APBB2: variants seen among roughly 807,000 people sequenced by gnomAD.
APBB2 encodes amyloid beta precursor protein binding family B member 2.
Under a neutral mutation model 82.5 loss-of-function variants are expected in APBB2, and 38 were observed. The ratio of observed to expected loss-of-function variants is 0.46; its 90% confidence interval spans 0.36 to 0.60. The LOEUF (loss-of-function observed/expected upper bound fraction) is 0.60, where lower values mean the gene tolerates loss of function less well. Among genes scored for constraint, APBB2 ranks in the 20% least tolerant of loss-of-function variants. APBB2 has a pLI of 0.00. For synonymous variants in APBB2, 341 were observed against 368.2 expected (o/e 0.93, Z 0.85); for missense variants, 772 against 972.3 (o/e 0.79, Z 2.74).
intron 17 of APBB2, among the ~76,000 whole-genome samples, chr4:40,821,412 T>A (rs2154295772): frequency 6.6e-6 from 1 of 152,288 alleles, no homozygotes; most frequent in Admixed American, 6.5e-5. Context: ...AAAACAGAAC[T>A]AACAACTACC....
At chr4:41,047,242 C>T (rs1251158068) in intron 4 of APBB2, among the ~76,000 whole-genome samples, 2 of 152,168 alleles carry the variant, frequency 1.3e-5, no homozygotes, top group Non-Finnish European at 2.9e-5. Context: ...TTCTGTTCTC[C>T]TATAAGGTCT....
In APBB2 at chr4:40,893,254, A is replaced by G. The variant is rs1009453227; in HGVS notation, c.1401+11T>C. ...AACAGCCTGCCGTGCATCATTCTAC[A>G]TGCCACTTACCTCTCCCCAAATCCC... On this transcript the variant is annotated intron_variant, in intron 11 of 17. Transcript: ENST00000508593. 3 of 1,612,130 alleles carry G rather than the reference A, an allele frequency of 1.9e-6. No individual in the cohort carries two copies. The highest frequency in any genetic ancestry group is 1.3e-5 in the African/African-American group (1 of 74,912).
At chr4:41,188,744 C>A (rs1423214700) in intron 1 of APBB2, among the ~76,000 whole-genome samples, 1 of 152,054 alleles carries the variant, frequency 6.6e-6, no homozygotes, top group East Asian at 1.9e-4. Flanking sequence ...GCAGTTCTAA[C>A]CGGGTTAAAA....
intron 1 of APBB2, among the ~76,000 whole-genome samples, chr4:41,184,488 A>C (rs1772323863): frequency 6.6e-6 from 1 of 152,164 alleles, no homozygotes; most frequent in South Asian, 2.1e-4. Context: ...CCCTGGGCTT[A>C]GACCACTCTG....
At chr4:41,001,678 G>C (rs1285518087) in intron 6 of APBB2, among the ~76,000 whole-genome samples, 1 of 152,168 alleles carries the variant, frequency 6.6e-6, no homozygotes, top group African/African-American at 2.4e-5. Context: ...GGGAGTTCAA[G>C]ACCAGCCTGG....
chr4:41,118,718 T>C (rs1353393142), intron 2 of APBB2, among the ~76,000 whole-genome samples: 1 of 152,018 alleles, frequency 6.6e-6, no homozygotes, highest in African/African-American at 2.4e-5. Flanking sequence ...TAAAAACGTA[T>C]CAATATAGCT....
At chr4:41,018,210 C>T (rs758651614) in intron 5 of APBB2, among the ~76,000 whole-genome samples, 1 of 152,198 alleles carries the variant, frequency 6.6e-6, no homozygotes, top group Non-Finnish European at 1.5e-5. Context: ...ATACCTCAAG[C>T]CACCACTGAC....
intron 2 of APBB2, among the ~76,000 whole-genome samples, chr4:41,114,233 T>C (rs1222650172): frequency 6.6e-6 from 1 of 152,186 alleles, no homozygotes; most frequent in Non-Finnish European, 1.5e-5. Flanking sequence ...CACATGATTA[T>C]CTCAATAGAT....
chr4:41,092,611 C>G (rs1012118846), intron 3 of APBB2, among the ~76,000 whole-genome samples: 1 of 151,768 alleles, frequency 6.6e-6, no homozygotes, highest in African/African-American at 2.4e-5. Context: ...ATCGCTTGAA[C>G]CCGAGAGGCG....
chr4:41,117,518 C>G (rs1434227993), intron 2 of APBB2, among the ~76,000 whole-genome samples: 2 of 152,082 alleles, frequency 1.3e-5, no homozygotes, highest in Admixed American at 1.3e-4. Context: ...GTCTTCAACT[C>G]CTGACCTTGT....
intron 1 of APBB2, among the ~76,000 whole-genome samples, chr4:41,194,785 A>C: frequency 6.6e-6 from 1 of 152,244 alleles, no homozygotes; most frequent in African/African-American, 2.4e-5. Flanking sequence ...CTGAATACTT[A>C]AAACAATTCT....
chr4:41,065,525 C>T (rs943113402), intron 4 of APBB2, 51 bp downstream of exon 4: 3 of 152,068 alleles, frequency 2.0e-5, no homozygotes, highest in African/African-American at 4.8e-5. Context: ...TGATATTCTA[C>T]AATGAAAATT....
intron 4 of APBB2, among the ~76,000 whole-genome samples, chr4:41,047,973 T>C (rs1216437999): frequency 6.6e-6 from 1 of 152,262 alleles, no homozygotes; most frequent in Non-Finnish European, 1.5e-5. Flanking sequence ...TTTTAAGTTT[T>C]TGTGATATGT....
At position 40,826,087 on chromosome 4, in the gene APBB2, G is replaced by GTTTC. The variant is rs1749837439; in HGVS notation, c.1733-121_1733-118dup. 1 of 753,204 alleles carries GTTTC rather than the reference G, an allele frequency of 1.3e-6. No individual in the cohort carries two copies. The highest frequency in any genetic ancestry group is 1.9e-5 in the Admixed American group (1 of 51,726). The allele number at this position is 753,204 out of a possible 1,614,324, so 46.7% of individuals were successfully genotyped here. A position where few individuals can be genotyped will look rare whatever the true frequency, so the allele number is the denominator to read the frequency against. On this transcript the variant is annotated intron_variant, in intron 14 of 17. Coordinates refer to ENST00000508593, the MANE Select transcript of APBB2 (RefSeq NM_004307.2). The surrounding 1 kb of genome is among the most constrained non-coding windows in gnomAD (Gnocchi z 4.5). ...CACGCCCTGTGCCATAACGCCCTATGTTTCTGGATGTAAATGTAACAACTA... is the reference window on the plus strand; with the variant it reads ...CACGCCCTGTGCCATAACGCCCTATGTTTCTTTCTGGATGTAAATGTAACAACTA...
chr4:40,895,095 C>T (rs1318316422), intron 10 of APBB2, among the ~76,000 whole-genome samples: 1 of 152,152 alleles, frequency 6.6e-6, no homozygotes, highest in Admixed American at 6.5e-5. Flanking sequence ...TGATCATATT[C>T]GGTCAAGGGC....
At chr4:40,946,306 G>C (rs35208279) in intron 6 of APBB2, among the ~76,000 whole-genome samples, 56,757 of 148,340 alleles carry the variant, frequency 0.38, 11,554 homozygotes, top group Non-Finnish European at 0.46. Flanking sequence ...CAATGGACCA[G>C]ACTGACTCTA....
intron 2 of APBB2, among the ~76,000 whole-genome samples, chr4:41,126,541 T>C (rs1005661928): frequency 2.0e-5 from 3 of 152,230 alleles, no homozygotes; most frequent in African/African-American, 7.2e-5. Flanking sequence ...CTTCCTGACT[T>C]GCAGGGAGAC....
chr4:40,893,377 A>G lies in APBB2; in HGVS notation c.1289T>C (p.Met430Thr). Residue 430 changes from methionine (M) to threonine (T), a missense_variant, in exon 11 of 18, where the codon ATG becomes ACG. Physicochemically the swap from Met to Thr is moderately conservative, Grantham distance 81. Transcript: ENST00000508593. ...FAVRSLGWVE[M>T]AEEDLAPGKS... ...ACCGGGGGCGAGGTCCTCTTCTGCC[A>G]TCTCTACCCATCCCAGAGAACGCAC... 6.2e-7 allele frequency: 1 copy of G among 1,613,538 alleles called. No homozygotes were observed. Among genetic ancestry groups the G allele is most frequent in the Non-Finnish European group, 8.5e-7 (1 of 1,179,732 alleles).
Position 41,021,317 on chromosome 4 carries a change from C to T in APBB2, c.20-6919G>A, listed in dbSNP as rs374424715. Among the ~76,000 whole-genome samples the T allele has an allele frequency of 2.0e-5, 3 of 152,356 alleles. No homozygotes were observed. The East Asian group carries it at 5.8e-4, about 29-fold the overall frequency. ...AGAGCAGTCATCACCCAATTCCCAA[C>T]AGCAGGTGGGGTGTCCTGTTTAGAG... is the stretch of plus-strand genomic sequence containing the variant. On this transcript the variant is annotated intron_variant, in intron 5 of 17. Transcript: ENST00000508593.
Sources: allele counts gnomAD v4.1 joint callset (sites outside exome capture counted in the v4.1 genomes callset), GRCh38; gene constraint gnomAD v4.1.1; non-coding constraint Gnocchi (gnomAD v3.1); transcripts MANE v1.5; gene names NCBI Gene and HGNC (gene_info 2026-07-23, HGNC 2026-07-21).